DNAH3: variants seen among roughly 807,000 people sequenced by gnomAD.
DNAH3 encodes axonemal beta dynein heavy chain 3.
Under a neutral mutation model 432.5 loss-of-function variants are expected in DNAH3, and 332 were observed. That is an observed-to-expected ratio of 0.77 (90% confidence interval 0.70 to 0.84). The LOEUF (loss-of-function observed/expected upper bound fraction) is 0.84, where lower values mean the gene tolerates loss of function less well. DNAH3 is among the 40% of genes least tolerant of loss of function. The pLI, the probability that DNAH3 is intolerant of heterozygous loss-of-function variation, is 0.00. For missense variants in DNAH3, 4,861 were observed against 5,114.0 expected (o/e 0.95, Z 1.51); for synonymous variants, 1,956 against 1,900.2 (o/e 1.03, Z -0.76).
intron 18 of DNAH3, among the ~76,000 whole-genome samples, chr16:21,090,118 C>T (rs2091487289): frequency 6.6e-6 from 1 of 151,718 alleles, no homozygotes; most frequent in Admixed American, 6.6e-5. Flanking sequence ...CTTCCAAAAA[C>T]TTATTCAAGA....
chr16:21,053,681 T>C (rs1414966475), intron 28 of DNAH3, among the ~76,000 whole-genome samples: 2 of 151,460 alleles, frequency 1.3e-5, no homozygotes, highest in African/African-American at 4.9e-5. Flanking sequence ...CTGAGGGGAG[T>C]GAGATGCCAT....
intron 12 of DNAH3, among the ~76,000 whole-genome samples, chr16:21,113,865 T>A (rs894322547): frequency 2.0e-5 from 3 of 152,210 alleles, no homozygotes; most frequent in African/African-American, 7.2e-5. Context: ...GTGCCTGACA[T>A]ACAATGAATG....
At chr16:20,960,594 C>T (rs943230106) in intron 53 of DNAH3, among the ~76,000 whole-genome samples, 3 of 152,098 alleles carry the variant, frequency 2.0e-5, no homozygotes, top group South Asian at 2.1e-4. Flanking sequence ...CCGAGCTACT[C>T]GGGAGGCTGA....
At chr16:20,997,180 G>A in intron 44 of DNAH3, 103 bp downstream of exon 44, 1 of 1,175,060 alleles carries the variant, frequency 8.5e-7, no homozygotes, top group South Asian at 1.5e-5. Context: ...CTGCCACGTG[G>A]TTTGGCAGGA....
chr16:21,067,364 A>G (rs766527405), exon 24 of DNAH3: 2 of 1,614,012 alleles, frequency 1.2e-6, no homozygotes, highest in Non-Finnish European at 1.7e-6. Context: ...GGCTTCTTGA[A>G]GCTTCTCTGC....
intron 19 of DNAH3, among the ~76,000 whole-genome samples, chr16:21,084,512 G>T (rs1016074765): frequency 6.6e-6 from 1 of 152,012 alleles, no homozygotes; most frequent in African/African-American, 2.4e-5. Flanking sequence ...TCTTGATGGG[G>T]TTTTGCAGTG....
chr16:21,026,927 C>T (rs762512399), intron 38 of DNAH3, 100 bp downstream of exon 38: 11 of 779,456 alleles, frequency 1.4e-5, no homozygotes, highest in East Asian at 2.6e-5. Flanking sequence ...AGATGATCTG[C>T]GAGGGCTTCA....
rs1467405263 is a variant in DNAH3 at position 21,148,440 on chromosome 16, TTA to T, written c.118-2354_118-2353del. Among the ~76,000 whole-genome samples, 212 of 139,682 alleles carry T rather than the reference TTA, an allele frequency of 1.5e-3. 1 individual carries two copies. The highest frequency in any genetic ancestry group is 5.5e-3 in the African/African-American group (199 of 36,112). The allele number at this position is 139,682 out of a possible 152,430, so 91.6% of individuals were successfully genotyped here. On this transcript the variant is annotated intron_variant, in intron 1 of 61. Coordinates refer to ENST00000261383, the Ensembl canonical transcript of DNAH3. ...ACTTATTTATTATTATTATTATTAT[TTA>T]TTTTTTTTTTTTGAGTCCAAGTTTT... is the stretch of plus-strand genomic sequence containing the variant.
intron 42 of DNAH3, 42 bp from the exon 43 acceptor site, chr16:21,000,560 G>A (rs763289218): frequency 1.0e-5 from 16 of 1,532,670 alleles, no homozygotes; most frequent in African/African-American, 2.8e-5. Flanking sequence ...TGTGGGCCCA[G>A]GAAGCTGGAG....
At chr16:21,068,586 A>G (rs1000777538) in intron 23 of DNAH3, among the ~76,000 whole-genome samples, 3 of 152,202 alleles carry the variant, frequency 2.0e-5, no homozygotes, top group Non-Finnish European at 4.4e-5. Flanking sequence ...GAGGGCTGGA[A>G]TTACAGGCGT....
At chr16:21,154,127 G>C (rs1314888510) in intron 1 of DNAH3, among the ~76,000 whole-genome samples, 2 of 152,228 alleles carry the variant, frequency 1.3e-5, no homozygotes, top group African/African-American at 4.8e-5. Context: ...AATGGGGCCA[G>C]GCGCGGTGGC....
At chr16:21,023,819 G>GT (rs2088390024) in intron 39 of DNAH3, among the ~76,000 whole-genome samples, 1 of 151,470 alleles carries the variant, frequency 6.6e-6, no homozygotes, top group African/African-American at 2.4e-5. Context: ...GTGTGTGTGT[G>GT]GACTGGCGCT....
intron 11 of DNAH3, among the ~76,000 whole-genome samples, chr16:21,117,843 T>A (rs2092242804): frequency 1.3e-5 from 2 of 152,298 alleles, no homozygotes; most frequent in African/African-American, 4.8e-5. Context: ...GGTGAGTCAA[T>A]GAATACTATC....
intron 55 of DNAH3, 40 bp downstream of exon 55, chr16:20,954,773 C>T: frequency 6.2e-7 from 1 of 1,601,922 alleles, no homozygotes; most frequent in Non-Finnish European, 8.5e-7. Context: ...TGTCTGATAT[C>T]CTTTCCCTCA....
At chr16:20,989,112 T>C (rs2086399577) in intron 44 of DNAH3, among the ~76,000 whole-genome samples, 1 of 152,206 alleles carries the variant, frequency 6.6e-6, no homozygotes, top group African/African-American at 2.4e-5. Flanking sequence ...CCGAGCGGGT[T>C]ACCACTGCTG....
rs375432668 is a variant in DNAH3, at chr16:21,024,587, G to A, written c.5646+9C>T. ...GCAGGAGGGGAAGGAAAGGGTCTGAGGGGCTCACCAATTCTTTGTGCTCCT... is the reference window on the plus strand; with the variant it reads ...GCAGGAGGGGAAGGAAAGGGTCTGAAGGGCTCACCAATTCTTTGTGCTCCT... On this transcript the variant is annotated intron_variant, in intron 39 of 61. Coordinates refer to ENST00000261383, the Ensembl canonical transcript of DNAH3. 1.3e-4 allele frequency: 213 copies of A among 1,598,988 alleles called. No homozygotes were observed. The highest frequency in any genetic ancestry group is 1.7e-4 in the Non-Finnish European group (196 of 1,172,206).
intron 53 of DNAH3, among the ~76,000 whole-genome samples, chr16:20,961,374 T>C (rs1156251796): frequency 6.6e-6 from 1 of 151,998 alleles, no homozygotes; most frequent in Admixed American, 6.6e-5. Context: ...AAGGATAGCA[T>C]TAGGAGATAC....
chr16:20,947,249 CG>C (rs2152572652), intron 57 of DNAH3, among the ~76,000 whole-genome samples: 1 of 152,180 alleles, frequency 6.6e-6, no homozygotes, highest in South Asian at 2.1e-4. Flanking sequence ...TAGCTGACCA[CG>C]TGGAGGTTCC....
chr16:20,941,368 C>T, intron 59 of DNAH3, 33 bp downstream of exon 59: 1 of 1,612,384 alleles, frequency 6.2e-7, no homozygotes, highest in South Asian at 1.1e-5. Context: ...CACGTTCCAA[C>T]TCCCAGGATT....
Sources: allele counts gnomAD v4.1 joint callset (sites outside exome capture counted in the v4.1 genomes callset), GRCh38; gene constraint gnomAD v4.1.1; transcripts MANE v1.5; gene names NCBI Gene and HGNC (gene_info 2026-07-23, HGNC 2026-07-21).